The following GRIN2B variants were observed in gnomAD, a reference collection of about 807,000 sequenced individuals.
The protein encoded by GRIN2B is glutamate receptor ionotropic, NMDA 2B.
Under a neutral mutation model 114.5 loss-of-function variants are expected in GRIN2B, and 5 were observed. That is an observed-to-expected ratio of 0.04 (90% CI 0.02 to 0.09). The LOEUF is 0.09. Ranked by LOEUF, GRIN2B falls within the 10% of genes least tolerant of loss-of-function variation. The pLI, the probability that GRIN2B is intolerant of heterozygous loss-of-function variation, is 1.00. For synonymous variants in GRIN2B, 787 were observed against 745.1 expected, an observed-to-expected ratio of 1.06 and a Z score of -0.92; for missense variants, 1,108 against 1,943.5, an observed-to-expected ratio of 0.57 and a Z score of 8.08.
chr12:13,830,518 C>T (rs116307656), intron 3 of GRIN2B, among the ~76,000 whole-genome samples: 3,167 of 152,268 alleles, frequency 0.021, 105 homozygotes, highest in African/African-American at 0.072. Flanking sequence ...TTCTCTGGAG[C>T]AAACACAAGC....
intron 4 of GRIN2B, among the ~76,000 whole-genome samples, chr12:13,694,834 CT>C (rs1950247071): frequency 6.6e-6 from 1 of 151,168 alleles, no homozygotes; most frequent in African/African-American, 2.4e-5. Context: ...TGAGACACTA[CT>C]CACATTACTT....
intron 2 of GRIN2B, among the ~76,000 whole-genome samples, chr12:13,870,185 G>T (rs1266356345): frequency 1.3e-5 from 2 of 152,124 alleles, no homozygotes; most frequent in South Asian, 4.1e-4. Flanking sequence ...ATGGCCTCGG[G>T]GTAGCAGCGA....
chr12:13,825,530 G>GTGTGTGTGTA (rs1302451300), intron 3 of GRIN2B, among the ~76,000 whole-genome samples: 105 of 146,328 alleles, frequency 7.2e-4, no homozygotes, highest in Non-Finnish European at 1.2e-3. Context: ...GTGTGTGTGT[G>GTGTGTGTGTA]TGTATGATGG....
chr12:13,977,556 T>A (rs1863046566), intron 2 of GRIN2B, among the ~76,000 whole-genome samples: 1 of 152,160 alleles, frequency 6.6e-6, no homozygotes, highest in East Asian at 1.9e-4. Flanking sequence ...GAAATTAAAT[T>A]TGCTCTTCCT....
At chr12:13,867,004 T>G (rs768191329) in intron 2 of GRIN2B, among the ~76,000 whole-genome samples, 1 of 152,230 alleles carries the variant, frequency 6.6e-6, no homozygotes, top group Non-Finnish European at 1.5e-5. Context: ...ATCTTCTGAC[T>G]TTTGTATTCC....
rs765505393 is a variant in GRIN2B, at chr12:13,562,723, G to A, written c.*60C>T. ...ACCCCCGTCACCCTCCGTGACATGC[G>A]CATCACGCGACCCACAGCCTTACCC... On this transcript the variant is annotated 3_prime_UTR_variant, in exon 14 of 14. Transcript: ENST00000609686. The A allele has an allele frequency of 5.3e-6, 7 of 1,330,406 alleles. No homozygotes were observed. The highest frequency in any genetic ancestry group is 4.3e-5 in the African/African-American group (3 of 69,410). The allele number at this position is 1,330,406 out of a possible 1,614,324, so 82.4% of individuals were successfully genotyped here.
chr12:13,783,988 C>G (rs1344861573), intron 3 of GRIN2B, among the ~76,000 whole-genome samples: 1 of 152,028 alleles, frequency 6.6e-6, no homozygotes, highest in Non-Finnish European at 1.5e-5. Flanking sequence ...CTTTGGGAGG[C>G]CAAGGCGGGT....
At position 13,567,166 on chromosome 12, in the gene GRIN2B, T is replaced by C. The variant is rs1037059639; in HGVS notation, c.2457A>G (p.Ala819=). 1.9e-6 allele frequency: 3 copies of C among 1,614,036 alleles called. No homozygotes were observed. Among genetic ancestry groups the C allele is most frequent in the Non-Finnish European group, 2.5e-6 (3 of 1,179,848 alleles). The change falls in exon 13 of 14, where the codon GCA becomes GCG. Residue 819 remains alanine (A), a synonymous_variant. Transcript: ENST00000609686. Reference sequence around the variant, plus strand: ...CCGCCCCCAACATGTAGAAGACCCCTGCCATGTTGTCAATGTCCAGCTGGC... The same window carrying C: ...CCGCCCCCAACATGTAGAAGACCCCCGCCATGTTGTCAATGTCCAGCTGGC... ...MSSQLDIDNM[A]GVFYMLGAAM...
chr12:13,588,614 G>A (rs1238410133), intron 10 of GRIN2B, among the ~76,000 whole-genome samples: 1 of 152,204 alleles, frequency 6.6e-6, no homozygotes, highest in African/African-American at 2.4e-5. Context: ...AGAACTAGAA[G>A]GGACAGGAAC....
At chr12:13,723,284 C>A (rs1343004789) in intron 4 of GRIN2B, among the ~76,000 whole-genome samples, 16 of 151,948 alleles carry the variant, frequency 1.1e-4, no homozygotes, top group Non-Finnish European at 2.4e-4. Flanking sequence ...TGCTATCCCT[C>A]CCCTAGCCCC....
intron 4 of GRIN2B, among the ~76,000 whole-genome samples, chr12:13,697,645 A>C (rs562970278): frequency 2.0e-5 from 3 of 152,308 alleles, no homozygotes; most frequent in Admixed American, 6.5e-5. Context: ...TAGGGACAAT[A>C]TCCCTACCAA....
chr12:13,928,042 T>A (rs1273195188), intron 2 of GRIN2B, among the ~76,000 whole-genome samples: 2 of 146,436 alleles, frequency 1.4e-5, no homozygotes, highest in Admixed American at 6.9e-5. Flanking sequence ...CCAGGCGCAG[T>A]GGCACAACCT....
At chr12:13,623,812 T>A (rs1052287294) in intron 5 of GRIN2B, among the ~76,000 whole-genome samples, 1 of 152,222 alleles carries the variant, frequency 6.6e-6, no homozygotes, top group African/African-American at 2.4e-5. Context: ...ATATTCTTCT[T>A]AAATGGAGGG....
chr12:13,904,366 G>C (rs1866504919), intron 2 of GRIN2B, among the ~76,000 whole-genome samples: 1 of 151,878 alleles, frequency 6.6e-6, no homozygotes, highest in East Asian at 1.9e-4. Context: ...TCAAAGTTTA[G>C]AGTTAATTCA....
chr12:13,884,601 C>A (rs1489263343), intron 2 of GRIN2B, among the ~76,000 whole-genome samples: 1 of 151,858 alleles, frequency 6.6e-6, no homozygotes, highest in Non-Finnish European at 1.5e-5. Flanking sequence ...TTTTTCTAGT[C>A]CAATAACACT....
chr12:13,711,828 C>T (rs554573224), intron 4 of GRIN2B, among the ~76,000 whole-genome samples: 40 of 152,252 alleles, frequency 2.6e-4, no homozygotes, highest in African/African-American at 9.1e-4. Context: ...GGCGATTCCT[C>T]AGGGATCTAG....
intron 3 of GRIN2B, among the ~76,000 whole-genome samples, chr12:13,774,823 G>A (rs1405429158): frequency 6.6e-6 from 1 of 152,184 alleles, no homozygotes; most frequent in Non-Finnish European, 1.5e-5. Context: ...TGATCAAATA[G>A]AGTTTACAGT....
chr12:13,878,996 CT>C lies in GRIN2B; in HGVS notation c.-18-12771del, dbSNP rs541711371. ...AACAAATTGGTTAATGAAGCCCTAACTTTTTATTCTTCTCTTTGATTTGGTC... is the reference window on the plus strand; with the variant it reads ...AACAAATTGGTTAATGAAGCCCTAACTTTTATTCTTCTCTTTGATTTGGTC... On this transcript the variant is annotated intron_variant, in intron 2 of 13. Coordinates refer to ENST00000609686, the MANE Select transcript of GRIN2B (RefSeq NM_000834.5). 6.6e-5 allele frequency among the ~76,000 whole-genome samples: 10 copies of C among 152,254 alleles called. No individual in the cohort carries two copies. In the South Asian group the frequency reaches 1.9e-3, roughly 28 times the overall value.
chr12:13,707,527 C>T (rs1565508127), intron 4 of GRIN2B, among the ~76,000 whole-genome samples: 1 of 151,948 alleles, frequency 6.6e-6, no homozygotes, highest in Non-Finnish European at 1.5e-5. Context: ...TTCTTGGGGT[C>T]TTTGGAATGT....
Sources: gnomAD v4.1 joint callset for allele counts (sites outside exome capture counted in the v4.1 genomes callset) on GRCh38, gnomAD v4.1.1 for gene constraint, MANE v1.5 for transcripts, NCBI Gene and HGNC (gene_info 2026-07-23, HGNC 2026-07-21) for gene names.